The following NAALADL2 variants were observed in gnomAD, a reference collection of about 807,000 sequenced individuals.
NAALADL2 encodes the protein N-acetylated alpha-linked acidic dipeptidase like 2.
A neutral mutation model predicts 87.2 loss-of-function variants in NAALADL2; 76 were observed. The observed-to-expected ratio is 0.87, with a 90% CI of 0.72 to 1.05. The LOEUF is 1.05. Among genes scored for constraint, NAALADL2 ranks in the 50% least tolerant of loss-of-function variants. The pLI is 0.00. For synonymous variants in NAALADL2, 354 were observed against 331.0 expected (o/e 1.07, Z -0.75); for missense variants, 1,089 against 945.8 (o/e 1.15, Z -1.99).
intron 10 of NAALADL2, among the ~76,000 whole-genome samples, chr3:175,611,849 C>A (rs972744921): frequency 3.3e-5 from 5 of 152,060 alleles, no homozygotes; most frequent in Non-Finnish European, 5.9e-5. Context: ...TCCACTGGGG[C>A]TAAAATAGTG....
intron 1 of NAALADL2, among the ~76,000 whole-genome samples, chr3:175,080,401 C>A (rs1233390368): frequency 6.6e-6 from 1 of 152,226 alleles, no homozygotes; most frequent in Non-Finnish European, 1.5e-5. Context: ...AGGTTTCCAA[C>A]TTTACCTTAA....
chr3:175,276,385 C>T (rs1357725502), intron 4 of NAALADL2, among the ~76,000 whole-genome samples: 1 of 151,358 alleles, frequency 6.6e-6, no homozygotes, highest in Non-Finnish European at 1.5e-5. Flanking sequence ...CTGCAACCTC[C>T]ACCTCCCAGG....
intron 9 of NAALADL2, among the ~76,000 whole-genome samples, chr3:175,548,450 G>A (rs1713759148): frequency 6.6e-6 from 1 of 151,932 alleles, no homozygotes; most frequent in Non-Finnish European, 1.5e-5. Flanking sequence ...TAACTAATGG[G>A]TACCAGGCTT....
At chr3:175,049,928 G>A (rs531444742) in intron 1 of NAALADL2, among the ~76,000 whole-genome samples, 1 of 152,310 alleles carries the variant, frequency 6.6e-6, no homozygotes, top group South Asian at 2.1e-4. Context: ...TAATGTTGTT[G>A]TGAAAAAAAT....
intron 3 of NAALADL2, among the ~76,000 whole-genome samples, chr3:174,852,536 A>G (rs1725366801): frequency 6.6e-6 from 1 of 152,168 alleles, no homozygotes; most frequent in African/African-American, 2.4e-5. Flanking sequence ...ATAAAAAACT[A>G]TAAAACATTG....
At chr3:175,767,109 A>G (rs1320716415) in intron 13 of NAALADL2, among the ~76,000 whole-genome samples, 4 of 152,132 alleles carry the variant, frequency 2.6e-5, no homozygotes, top group African/African-American at 4.8e-5. Context: ...CTTTTTCCAC[A>G]GTCACCTCGG....
At chr3:174,898,239 T>C (rs890550420) in intron 1 of NAALADL2, among the ~76,000 whole-genome samples, 3 of 147,152 alleles carry the variant, frequency 2.0e-5, no homozygotes, top group African/African-American at 7.5e-5. Flanking sequence ...AAGACAAATA[T>C]CACATGTTCT....
chr3:174,955,633 T>C (rs773349030), intron 1 of NAALADL2, among the ~76,000 whole-genome samples: 5 of 152,120 alleles, frequency 3.3e-5, no homozygotes, highest in Admixed American at 1.3e-4. Flanking sequence ...TTAAATAGTA[T>C]TAAAGTTAAC....
intron 9 of NAALADL2, among the ~76,000 whole-genome samples, chr3:175,565,674 A>G (rs1051309463): frequency 1.1e-4 from 16 of 151,866 alleles, no homozygotes; most frequent in African/African-American, 3.9e-4. Context: ...TGATATATGC[A>G]TTTTTGATGG....
chr3:175,287,821 G>A (rs1560295150), intron 4 of NAALADL2, among the ~76,000 whole-genome samples: 1 of 152,094 alleles, frequency 6.6e-6, no homozygotes, highest in Admixed American at 6.6e-5. Context: ...TACATTCTTA[G>A]AAAATATGTG....
At chr3:175,737,008 C>A (rs1304330863) in intron 11 of NAALADL2, among the ~76,000 whole-genome samples, 1 of 152,108 alleles carries the variant, frequency 6.6e-6, no homozygotes, top group Non-Finnish European at 1.5e-5. Context: ...TATTTAAAGT[C>A]TAAATAGTAC....
intron 13 of NAALADL2, among the ~76,000 whole-genome samples, chr3:175,767,975 A>G (rs1186588945): frequency 6.6e-6 from 1 of 152,174 alleles, no homozygotes; most frequent in Non-Finnish European, 1.5e-5. Flanking sequence ...ACTTCGAAAA[A>G]TGTTTGTTGA....
intron 4 of NAALADL2, among the ~76,000 whole-genome samples, chr3:175,302,347 C>T (rs1366458233): frequency 6.6e-6 from 1 of 152,058 alleles, no homozygotes; most frequent in Non-Finnish European, 1.5e-5. Flanking sequence ...ACTTTTAGAT[C>T]GTTATTATTT....
chr3:174,674,274 C>A (rs1726838729), intron 2 of NAALADL2, among the ~76,000 whole-genome samples: 1 of 151,926 alleles, frequency 6.6e-6, no homozygotes, highest in Non-Finnish European at 1.5e-5. Flanking sequence ...GATACACTGC[C>A]CATGATCCAA....
At chr3:175,332,753 T>G (rs184447177) in intron 5 of NAALADL2, among the ~76,000 whole-genome samples, 110 of 152,334 alleles carry the variant, frequency 7.2e-4, no homozygotes, top group African/African-American at 2.6e-3. Context: ...GTCGGCTTGT[T>G]GCAAAGAGCA....
In NAALADL2 at chr3:174,989,383, A is replaced by G. The variant is rs1560448275; in HGVS notation, c.44-107407A>G. Among the ~76,000 whole-genome samples the G allele has an allele frequency of 2.0e-5, 3 of 152,246 alleles. No individual in the cohort carries two copies. In the East Asian group the frequency reaches 5.8e-4, roughly 29 times the overall value. ...GGCTCCACACTTTACATTTAATGGT[A>G]GAAAGAAACTTACATTTTGTTTCGT... On this transcript the variant is annotated intron_variant, in intron 1 of 13. Coordinates refer to ENST00000454872, the MANE Select transcript of NAALADL2 (RefSeq NM_207015.3).
chr3:174,756,848 T>C (rs189725843), intron 3 of NAALADL2, among the ~76,000 whole-genome samples: 97 of 152,330 alleles, frequency 6.4e-4, no homozygotes, highest in African/African-American at 2.3e-3. Flanking sequence ...TCTTCTTTCT[T>C]CTTAGATCCC....
At chr3:174,673,025 A>T (rs1387777749) in intron 2 of NAALADL2, among the ~76,000 whole-genome samples, 5 of 152,098 alleles carry the variant, frequency 3.3e-5, no homozygotes, top group Non-Finnish European at 7.4e-5. Flanking sequence ...GTGTTGATTA[A>T]AGCCTACATA....
chr3:175,014,114 G>A (rs916289265), intron 1 of NAALADL2, among the ~76,000 whole-genome samples: 4 of 152,060 alleles, frequency 2.6e-5, no homozygotes, highest in African/African-American at 7.2e-5. Context: ...ACACACAAAC[G>A]TGTAATGGCG....
Sources: allele counts gnomAD v4.1 joint callset (sites outside exome capture counted in the v4.1 genomes callset), GRCh38; gene constraint gnomAD v4.1.1; transcripts MANE v1.5; gene names NCBI Gene and HGNC (gene_info 2026-07-23, HGNC 2026-07-21).